Variants in MLXIPL observed in about 807,000 individuals in gnomAD.
MLXIPL encodes the protein carbohydrate-responsive element-binding protein.
A neutral mutation model predicts 81.5 loss-of-function variants in MLXIPL; 49 were observed. The ratio of observed to expected loss-of-function variants is 0.60; its 90% CI spans 0.48 to 0.76. The LOEUF (loss-of-function observed/expected upper bound fraction) is 0.76, where lower values mean the gene tolerates loss of function less well. Among genes scored for constraint, MLXIPL ranks in the 30% least tolerant of loss-of-function variants. The pLI is 0.00. For synonymous variants in MLXIPL, 466 were observed against 485.5 expected, an observed-to-expected ratio of 0.96 and a Z score of 0.53; for missense variants, 1,053 against 1,167.0, an observed-to-expected ratio of 0.90 and a Z score of 1.42.
the MLXIPL span, among the ~76,000 whole-genome samples, chr7:73,639,812 A>G: frequency 6.6e-6 from 1 of 152,142 alleles, no homozygotes; most frequent in Non-Finnish European, 1.5e-5. Flanking sequence ...TAATCCCAGC[A>G]CTTTGGGAGG....
rs1473078287 is a variant in MLXIPL at position 73,624,144 on chromosome 7, C to A, written c.293+56G>T. On this transcript the variant is annotated intron_variant, in intron 1 of 16. Transcript: ENST00000313375. Reference sequence around the variant, plus strand: ...CCCAGCGCGCAGTCCTGCCCCGGACCCCCCCCCCATCCCCACCTGGAAGCC... The same window carrying A: ...CCCAGCGCGCAGTCCTGCCCCGGACACCCCCCCCATCCCCACCTGGAAGCC... 52 of 1,361,502 alleles carry A rather than the reference C, an allele frequency of 3.8e-5. 2 individuals carry two copies. Among genetic ancestry groups the A allele is most frequent in the African/African-American group, 6.7e-5 (4 of 59,304 alleles). 84.3% of individuals were successfully genotyped at this position (1,361,502 alleles called of 1,614,324 possible).
At chr7:73,636,462 G>A in the MLXIPL span, among the ~76,000 whole-genome samples, 1 of 151,914 alleles carries the variant, frequency 6.6e-6, no homozygotes, top group South Asian at 2.1e-4. Flanking sequence ...AGGGCAGAAG[G>A]TATTCTGGGA....
At chr7:73,622,133 C>T (rs909316904) in intron 1 of MLXIPL, among the ~76,000 whole-genome samples, 3 of 149,792 alleles carry the variant, frequency 2.0e-5, no homozygotes, top group Admixed American at 1.3e-4. Context: ...TGAAGTGATC[C>T]TCCCACCTCA....
chr7:73,628,276 G>A (rs555926569), upstream of MLXIPL, among the ~76,000 whole-genome samples: 3 of 152,108 alleles, frequency 2.0e-5, no homozygotes, highest in Non-Finnish European at 2.9e-5. Context: ...GGATCTGAGC[G>A]GGTGGGAAGA....
At chr7:73,624,621 C>T (rs1430755700), upstream of MLXIPL, 11 of 1,377,544 alleles carry the variant, frequency 8.0e-6, no homozygotes, top group South Asian at 1.5e-4. Context: ...GGGCCTGGGA[C>T]GGGGCGGGGC....
At position 73,623,319 on chromosome 7, in the gene MLXIPL, T is replaced by G. The variant is rs1796505066; in HGVS notation, c.293+881A>C. Among the ~76,000 whole-genome samples, 1 of 152,236 alleles carries G rather than the reference T, an allele frequency of 6.6e-6. No individual in the cohort carries two copies. Among genetic ancestry groups the G allele is most frequent in the South Asian group, 2.1e-4 (1 of 4,836 alleles). Reference sequence around the variant, plus strand: ...GGCCGGCCGATCCCCCTTTCTCCCCTACGGGTTTTCGGTTGATAATTTATA... The same window carrying G: ...GGCCGGCCGATCCCCCTTTCTCCCCGACGGGTTTTCGGTTGATAATTTATA... On this transcript the variant is annotated intron_variant, in intron 1 of 16. Transcript: ENST00000313375. This position sits in a 1 kb window ranked among gnomAD's most constrained non-coding sequence, Gnocchi z 5.7.
upstream of MLXIPL, among the ~76,000 whole-genome samples, chr7:73,626,294 C>T (rs1179210852): frequency 6.8e-6 from 1 of 147,730 alleles, no homozygotes; most frequent in East Asian, 2.1e-4. Flanking sequence ...CATGCGCCAC[C>T]GTGCCCAGCC....
chr7:73,628,178 G>C (rs915565826), upstream of MLXIPL, among the ~76,000 whole-genome samples: 1 of 151,944 alleles, frequency 6.6e-6, no homozygotes, highest in Non-Finnish European at 1.5e-5. Flanking sequence ...TCTGCTGGCC[G>C]TGTCTCCAGA....
chr7:73,594,842 C>G (rs1391393223), intron 15 of MLXIPL, among the ~76,000 whole-genome samples: 1 of 118,918 alleles, frequency 8.4e-6, no homozygotes, highest in African/African-American at 3.4e-5. Flanking sequence ...CCACTGTGCT[C>G]GGACTTTTTT....
At chr7:73,630,325 C>G in the MLXIPL span, among the ~76,000 whole-genome samples, 1 of 128,476 alleles carries the variant, frequency 7.8e-6, no homozygotes, top group East Asian at 2.6e-4. Context: ...GTCTCACTCA[C>G]TCTGTCACCC....
intron 1 of MLXIPL, 37 bp from the exon 2 acceptor site, chr7:73,616,214 A>C (rs781987563): frequency 6.5e-7 from 1 of 1,529,070 alleles, no homozygotes; most frequent in East Asian, 2.3e-5. Context: ...AGGGAGATGC[A>C]GTGCTGCCAC....
intron 1 of MLXIPL, among the ~76,000 whole-genome samples, chr7:73,622,152 A>C (rs972127756): frequency 2.0e-5 from 3 of 150,180 alleles, no homozygotes; most frequent in Non-Finnish European, 3.0e-5. Context: ...CAGACTCCCC[A>C]GTAGCTGGTA....
the MLXIPL span, among the ~76,000 whole-genome samples, chr7:73,646,981 G>A: frequency 2.0e-5 from 3 of 152,114 alleles, no homozygotes; most frequent in Non-Finnish European, 2.9e-5. Context: ...CTGGTGTTCC[G>A]TTTTACTCTG....
chr7:73,634,418 G>A, the MLXIPL span, among the ~76,000 whole-genome samples: 1 of 152,012 alleles, frequency 6.6e-6, no homozygotes, highest in Admixed American at 6.6e-5. Context: ...TTGAGACAGA[G>A]TCTTACTCTG....
chr7:73,600,919 C>T (rs1366416578), intron 7 of MLXIPL, among the ~76,000 whole-genome samples: 2 of 151,930 alleles, frequency 1.3e-5, no homozygotes, highest in Non-Finnish European at 2.9e-5. Flanking sequence ...CCCGCCCACC[C>T]GCTCCCTTCC....
At chr7:73,614,809 C>CTT (rs11307944) in intron 2 of MLXIPL, among the ~76,000 whole-genome samples, 2,089 of 106,156 alleles carry the variant, frequency 0.02, 70 homozygotes, top group African/African-American at 0.068. Flanking sequence ...TTGTTTTGCC[C>CTT]TTTTTTTTTT....
chr7:73,643,818 A>T, the MLXIPL span, among the ~76,000 whole-genome samples: 1 of 152,298 alleles, frequency 6.6e-6, no homozygotes, highest in Non-Finnish European at 1.5e-5. Context: ...CTTAGACTTC[A>T]GTGCAGCGGC....
the MLXIPL span, among the ~76,000 whole-genome samples, chr7:73,632,743 T>TTCCTTCC: frequency 1.5e-5 from 2 of 133,846 alleles, no homozygotes; most frequent in African/African-American, 5.6e-5. Context: ...TCCTTCCTTC[T>TTCCTTCC]TTCCTTCCTT....
intron 3 of MLXIPL, 61 bp from the exon 4 acceptor site, chr7:73,607,481 C>A: frequency 6.6e-7 from 1 of 1,520,464 alleles, no homozygotes; most frequent in Non-Finnish European, 9.0e-7. Context: ...ACCCATCTCC[C>A]ACCCTTCACC....
Sources: gnomAD v4.1 joint callset for allele counts (sites outside exome capture counted in the v4.1 genomes callset) on GRCh38, gnomAD v4.1.1 for gene constraint, Gnocchi (gnomAD v3.1) non-coding constraint, MANE v1.5 for transcripts, NCBI Gene and HGNC (gene_info 2026-07-23, HGNC 2026-07-21) for gene names.